The following RPL3L variants were observed in gnomAD, a reference collection of about 807,000 sequenced individuals.
RPL3L encodes ribosomal protein L3 like, also known as ribosomal protein uL3-like.
In RPL3L, 44 loss-of-function variants were observed where a neutral mutation model predicts 44.5. That is an observed-to-expected ratio of 0.99 (90% CI 0.78 to 1.27). The LOEUF (loss-of-function observed/expected upper bound fraction) is 1.27. Among genes scored for constraint, RPL3L ranks in the 50% most tolerant of loss-of-function variants. The pLI is 0.00. For missense variants in RPL3L, 631 were observed against 569.1 expected, an observed-to-expected ratio of 1.11 and a Z score of -1.11; for synonymous variants, 292 against 230.7, an observed-to-expected ratio of 1.27 and a Z score of -2.41.
chr16:1,949,221 G>A (rs1276133445), intron 4 of RPL3L, among the ~76,000 whole-genome samples: 2 of 141,612 alleles, frequency 1.4e-5, no homozygotes, highest in Non-Finnish European at 3.0e-5. Flanking sequence ...GATCACTGGT[G>A]TAAGCCACTG....
At chr16:1,949,780 G>A (rs1364098144) in intron 4 of RPL3L, among the ~76,000 whole-genome samples, 2 of 79,698 alleles carry the variant, frequency 2.5e-5, no homozygotes, top group African/African-American at 6.3e-5. Flanking sequence ...AGGTATGTAG[G>A]GGGCAGGTAT....
At position 1,953,972 on chromosome 16, in the gene RPL3L, C is replaced by A; in HGVS notation, c.180G>T (p.Val60=). 1 of 1,546,316 alleles carries A rather than the reference C, an allele frequency of 6.5e-7. No homozygotes were observed. The change falls in exon 2 of 10, where the codon GTG becomes GTT. Residue 60 remains valine (V), a synonymous_variant. Transcript: ENST00000268661. ...GTGACTCACTGAGCCCCGGCCGGTG[C>A]ACCTCCCGCAGGGTGTGGGTCATGC... ...KAGMTHTLRE[V]HRPGLKISKR...
In RPL3L at chr16:1,947,357, C is replaced by G. The variant is rs763702694; in HGVS notation, c.525G>C (p.Gln175His). 20 of 1,595,278 alleles carry G rather than the reference C, an allele frequency of 1.3e-5. No individual in the cohort carries two copies. The East Asian group carries it at 4.0e-4, about 32-fold the overall frequency. The change falls in exon 5 of 10, where the codon CAG becomes CAC. Residue 175 changes from glutamine (Q) to histidine (H), a missense_variant. Gln to His is a conservative substitution (Grantham distance 24). Transcript: ENST00000268661. ...GGATCTCCATGATGTGGGCCTTCTT[C>G]TGCCGGAAGGGCAGCAGTTTCATCT... Reference protein sequence around the residue: ...HTQMKLLPFRQKKAHIMEIQL... With the variant: ...HTQMKLLPFRHKKAHIMEIQL...
intron 9 of RPL3L, 98 bp from the exon 10 acceptor site, chr16:1,944,991 GC>G (rs35814412): frequency 1.4e-6 from 2 of 1,458,046 alleles, no homozygotes; most frequent in African/African-American, 2.9e-5. Flanking sequence ...CGGCCCTACT[GC>G]CCCCCTAAGG....
Position 1,953,973 on chromosome 16 carries a change from AC to A in RPL3L, c.178del (p.Val60CysfsTer17). 1 of 1,547,290 alleles carries A rather than the reference AC, an allele frequency of 6.5e-7. No homozygotes were observed. Among genetic ancestry groups the A allele is most frequent in the Non-Finnish European group, 8.8e-7 (1 of 1,141,586 alleles). The part of the protein sequence containing the change: ...KAGMTHTLRE[V>X]HRPGLKISKR... ...TGACTCACTGAGCCCCGGCCGGTGC[AC>A]CTCCCGCAGGGTGTGGGTCATGCCC... On this transcript the variant is annotated frameshift_variant, in exon 2 of 10. Transcript: ENST00000268661. LOFTEE classifies it high-confidence loss of function.
At position 1,944,849 on chromosome 16, in the gene RPL3L, C is replaced by G. The variant is rs766159295; in HGVS notation, c.1212G>C (p.Ser404=). Reference sequence around the variant, plus strand: ...CACCCCACACAGCCTACAAGTCTCCCGAGGTCTCCGGCGTTTCCTTCTCCA... The same window carrying G: ...CACCCCACACAGCCTACAAGTCTCCGGAGGTCTCCGGCGTTTCCTTCTCCA... ...KHLEKETPET[S]GDL Residue 404 remains serine (S), a synonymous_variant, in exon 10 of 10, where the codon TCG becomes TCC. Transcript: ENST00000268661. 6.2e-7 allele frequency: 1 copy of G among 1,614,066 alleles called. No homozygotes were observed. Among genetic ancestry groups the G allele is most frequent in the South Asian group, 1.1e-5 (1 of 91,086 alleles).
chr16:1,950,942 T>C lies in RPL3L; in HGVS notation c.403A>G (p.Lys135Glu), dbSNP rs769175427. 2 of 1,614,060 alleles carry C rather than the reference T, an allele frequency of 1.2e-6. No individual in the cohort carries two copies. The highest frequency in any genetic ancestry group is 1.7e-5 in the Admixed American group (1 of 60,006). The change falls in exon 4 of 10, where the codon AAG (lysine) becomes GAG (glutamate). Residue 135 changes from lysine (K) to glutamate (E), a missense_variant. Physicochemically the swap from Lys to Glu is moderately conservative, Grantham distance 56 (BLOSUM62 1). Coordinates refer to ENST00000268661, the MANE Select transcript of RPL3L (RefSeq NM_005061.3). ...SKKKAFTKAC[K>E]RWRDTDGKKQ... Reference sequence around the variant, plus strand: ...TTCCCGTCTGTGTCCCGCCACCTCTTGCAGGCCTTGGTGAAGGCTTTCTTC... The same window carrying C: ...TTCCCGTCTGTGTCCCGCCACCTCTCGCAGGCCTTGGTGAAGGCTTTCTTC...
At chr16:1,945,805 C>T in intron 8 of RPL3L, 30 bp downstream of exon 8, 5 of 1,612,658 alleles carry the variant, frequency 3.1e-6, no homozygotes, top group Non-Finnish European at 4.2e-6. Flanking sequence ...CCTCGGGCAC[C>T]CACTCCCCAG....
chr16:1,954,664 T>C lies in RPL3L; in HGVS notation c.-33A>G. On this transcript the variant is annotated 5_prime_UTR_variant, in exon 1 of 10. Transcript: ENST00000268661. Reference sequence around the variant, plus strand: ...GATCCCTGAAGGTCAGGAAGGGGCCTCGCCGCTAGCCGCCAGAGGTCGAGT... The same window carrying C: ...GATCCCTGAAGGTCAGGAAGGGGCCCCGCCGCTAGCCGCCAGAGGTCGAGT... 6.5e-7 allele frequency: 1 copy of C among 1,527,624 alleles called. No homozygotes were observed. Among genetic ancestry groups the C allele is most frequent in the African/African-American group, 1.4e-5 (1 of 70,946 alleles). The allele number at this position is 1,527,624 out of a possible 1,614,324, so 94.6% of individuals were successfully genotyped here.
At position 1,945,844 on chromosome 16, in the gene RPL3L, C is replaced by T. The variant is rs754478789; in HGVS notation, c.1038G>A (p.Thr346=). 1.2e-5 allele frequency: 19 copies of T among 1,613,876 alleles called. No homozygotes were observed. The highest frequency in any genetic ancestry group is 4.4e-5 in the South Asian group (4 of 91,086). ...ACCCAGCACTGCCAACCTTTCTCAG[C>T]GTAATGACCCGCTTCTTGGTACCAG... is the stretch of plus-strand genomic sequence containing the variant. The part of the protein sequence containing the change: ...CIAGTKKRVI[T]LRKSLLVHHS... Residue 346 remains threonine (T), a synonymous_variant, in exon 8 of 10, where the codon ACG becomes ACA. Transcript: ENST00000268661.
chr16:1,947,998 C>T (rs1018346861), intron 4 of RPL3L, among the ~76,000 whole-genome samples: 1 of 143,680 alleles, frequency 7.0e-6, no homozygotes, highest in Non-Finnish European at 1.5e-5. Context: ...AGTGCAATGG[C>T]ATGATCTCGG....
At position 1,946,615 on chromosome 16, in the gene RPL3L, C is replaced by T; in HGVS notation, c.951+10G>A. 1 of 1,611,168 alleles carries T rather than the reference C, an allele frequency of 6.2e-7. No homozygotes were observed. Among genetic ancestry groups the T allele is most frequent in the Non-Finnish European group, 8.5e-7 (1 of 1,178,836 alleles). ...TGATGGGCCTGGCAGTCGCCCCCTC[C>T]CAGCCTCACCAGCGGTGTGATGGAC... On this transcript the variant is annotated intron_variant, in intron 7 of 9. Transcript: ENST00000268661.
At chr16:1,950,782 G>C in intron 4 of RPL3L, 62 bp downstream of exon 4, 8 of 1,610,638 alleles carry the variant, frequency 5.0e-6, no homozygotes, top group Non-Finnish European at 5.9e-6. Flanking sequence ...ACAGCTCCTG[G>C]AAGCTGGGGT....
chr16:1,949,009 C>CT (rs34900670), intron 4 of RPL3L, among the ~76,000 whole-genome samples: 3,850 of 124,612 alleles, frequency 0.031, 106 homozygotes, highest in Middle Eastern at 0.049. Flanking sequence ...CCGCGCCTGG[C>CT]TTTTTTTTTT....
Position 1,947,097 on chromosome 16 carries a change from C to A in RPL3L, c.690G>T (p.Gly230=). ...IAVTKGRGVK[G]VTSRWHTKKL... ...TCTTGGTATGCCAGCGGCTTGTGAC[C>A]CCTGTGAGTGAGAGGGGCTGGTGGC... Residue 230 remains glycine, a splice_region_variant and synonymous_variant, in exon 6 of 10, where the codon GGG becomes GGT. Coordinates refer to ENST00000268661, the MANE Select transcript of RPL3L (RefSeq NM_005061.3). 6.2e-7 allele frequency: 1 copy of A among 1,613,562 alleles called. No homozygotes were observed. The highest frequency in any genetic ancestry group is 2.2e-5 in the East Asian group (1 of 44,876).
intron 4 of RPL3L, among the ~76,000 whole-genome samples, chr16:1,950,192 G>T (rs1427418415): frequency 6.6e-6 from 1 of 151,476 alleles, no homozygotes; most frequent in African/African-American, 2.4e-5. Context: ...TATGGGGCGG[G>T]TATGTATGGG....
At position 1,945,346 on chromosome 16, in the gene RPL3L, C is replaced by T. The variant is rs563998848; in HGVS notation, c.1167+153G>A. On this transcript the variant is annotated intron_variant, in intron 9 of 9. Transcript: ENST00000268661. ...CTCCAGCCTGGGTGACAGAGCGAGACTCCATCTCAAAAAATAAAATAAATA... is the reference window on the plus strand; with the variant it reads ...CTCCAGCCTGGGTGACAGAGCGAGATTCCATCTCAAAAAATAAAATAAATA... Among the ~76,000 whole-genome samples, 6 of 136,722 alleles carry T rather than the reference C, an allele frequency of 4.4e-5. No individual in the cohort carries two copies. In the South Asian group the frequency reaches 1.1e-3, roughly 24 times the overall value. 89.7% of individuals were successfully genotyped at this position (136,722 alleles called of 152,430 possible). A position where few individuals can be genotyped will look rare whatever the true frequency, so the allele number is the denominator to read the frequency against.
chr16:1,950,258 C>T (rs76521198), intron 4 of RPL3L, among the ~76,000 whole-genome samples: 2,612 of 151,950 alleles, frequency 0.017, 98 homozygotes, highest in South Asian at 0.092. Flanking sequence ...AGCTGTGGCC[C>T]CGCCCAGGGC....
Position 1,953,986 on chromosome 16 carries a change from TGTGGG to T in RPL3L, c.161_165del (p.Thr54AsnfsTer57). On this transcript the variant is annotated frameshift_variant, in exon 2 of 10. Transcript: ENST00000268661. LOFTEE classifies it high-confidence loss of function. ...CCCGGCCGGTGCACCTCCCGCAGGG[TGTGGG>T]TCATGCCCGCCTTGTAGCCCAGGAA... The T allele has an allele frequency of 6.3e-7, 1 of 1,586,700 alleles. No homozygotes were observed. Among genetic ancestry groups the T allele is most frequent in the Non-Finnish European group, 8.6e-7 (1 of 1,163,940 alleles).
Sources: allele counts gnomAD v4.1 joint callset (sites outside exome capture counted in the v4.1 genomes callset), GRCh38; gene constraint gnomAD v4.1.1; transcripts MANE v1.5; gene names NCBI Gene and HGNC (gene_info 2026-07-23, HGNC 2026-07-21).